Variants in ERC2 observed in about 807,000 individuals in gnomAD.
ERC2 encodes ERC protein 2.
In ERC2, 42 loss-of-function variants were observed where a neutral mutation model predicts 114.8. The ratio of observed to expected loss-of-function variants is 0.37; its 90% CI spans 0.29 to 0.47. The LOEUF (loss-of-function observed/expected upper bound fraction) is 0.47, where lower values mean the gene tolerates loss of function less well. ERC2 is among the 20% of genes least tolerant of loss of function. The probability of loss-of-function intolerance (pLI) is 0.99; values close to 1 mark genes in which losing one functional copy is unlikely to be tolerated. For missense variants in ERC2, 939 were observed against 1,150.7 expected, an observed-to-expected ratio of 0.82 and a Z score of 2.66; for synonymous variants, 454 against 425.5, an observed-to-expected ratio of 1.07 and a Z score of -0.82.
chr3:55,990,443 C>A (rs1471334870), intron 11 of ERC2, among the ~76,000 whole-genome samples: 2 of 150,760 alleles, frequency 1.3e-5, no homozygotes, highest in Non-Finnish European at 3.0e-5. Context: ...ATTTTTTTTT[C>A]TTTTCTTAGA....
At chr3:56,043,714 T>A (rs560037098) in intron 7 of ERC2, among the ~76,000 whole-genome samples, 1 of 152,198 alleles carries the variant, frequency 6.6e-6, no homozygotes. Context: ...CTAACTCTAT[T>A]CTAAACTTAT....
chr3:55,753,311 T>C (rs536309271), intron 14 of ERC2, among the ~76,000 whole-genome samples: 1 of 152,326 alleles, frequency 6.6e-6, no homozygotes, highest in East Asian at 1.9e-4. Context: ...ATTTTATATA[T>C]GTGCCTTTGA....
At chr3:56,006,557 G>A (rs1473301369) in intron 10 of ERC2, among the ~76,000 whole-genome samples, 4 of 152,024 alleles carry the variant, frequency 2.6e-5, no homozygotes, top group Admixed American at 2.6e-4. Context: ...ATGCATGACT[G>A]GAAATGCACT....
intron 2 of ERC2, among the ~76,000 whole-genome samples, chr3:56,409,346 G>C (rs1010503878): frequency 2.6e-5 from 4 of 152,052 alleles, no homozygotes; most frequent in African/African-American, 7.2e-5. Flanking sequence ...GGAATATATA[G>C]AGTCCCAAGG....
chr3:55,956,811 A>G (rs944797690), intron 12 of ERC2, among the ~76,000 whole-genome samples: 2 of 152,126 alleles, frequency 1.3e-5, no homozygotes, highest in African/African-American at 4.8e-5. Flanking sequence ...CAGGATGCCC[A>G]AGCCCACATC....
At chr3:55,906,608 T>C (rs1198088030) in intron 13 of ERC2, among the ~76,000 whole-genome samples, 2 of 152,170 alleles carry the variant, frequency 1.3e-5, no homozygotes, top group East Asian at 1.9e-4. Context: ...ACCCTTCTGA[T>C]TGATTCTGAT....
chr3:55,639,617 C>T (rs1014320921), intron 17 of ERC2, among the ~76,000 whole-genome samples: 7 of 152,200 alleles, frequency 4.6e-5, no homozygotes, highest in Non-Finnish European at 1.0e-4. Context: ...AGCTCTGTTG[C>T]TTAAATCTAC....
intron 2 of ERC2, among the ~76,000 whole-genome samples, chr3:56,301,598 C>T (rs2055878525): frequency 6.6e-6 from 1 of 151,962 alleles, no homozygotes; most frequent in Non-Finnish European, 1.5e-5. Flanking sequence ...AAGCTGGGCA[C>T]AGTGGCATAT....
chr3:55,929,065 C>T (rs929314279), intron 13 of ERC2, among the ~76,000 whole-genome samples: 7 of 152,052 alleles, frequency 4.6e-5, no homozygotes, highest in Non-Finnish European at 1.0e-4. Flanking sequence ...GGGAGTACTC[C>T]CCATCTCCTT....
intron 17 of ERC2, among the ~76,000 whole-genome samples, chr3:55,653,242 AATC>A (rs1372437805): frequency 6.6e-6 from 1 of 152,220 alleles, no homozygotes; most frequent in African/African-American, 2.4e-5. Context: ...GCATATTCAA[AATC>A]ATCATTTCTG....
chr3:56,464,409 G>C (rs1317444991), intron 1 of ERC2, among the ~76,000 whole-genome samples: 1 of 152,132 alleles, frequency 6.6e-6, no homozygotes, highest in African/African-American at 2.4e-5. Context: ...CCAACCCACA[G>C]CCTCTACACA....
intron 15 of ERC2, among the ~76,000 whole-genome samples, chr3:55,714,463 C>T (rs1355274253): frequency 6.6e-6 from 1 of 151,686 alleles, no homozygotes. Flanking sequence ...AGCTGTTATT[C>T]CTATAATGAA....
intron 14 of ERC2, among the ~76,000 whole-genome samples, chr3:55,808,733 ATATATATATAAC>A (rs2059594207): frequency 8.5e-6 from 1 of 117,634 alleles, no homozygotes; most frequent in Non-Finnish European, 1.7e-5. Flanking sequence ...ATATATATAT[ATATATATATAAC>A]GTATAACTAA....
chr3:56,037,377 A>C (rs929095829), intron 7 of ERC2, among the ~76,000 whole-genome samples: 4 of 152,220 alleles, frequency 2.6e-5, no homozygotes, highest in Non-Finnish European at 2.9e-5. Context: ...TAGAGCTGAA[A>C]AACACAACAT....
chr3:56,169,691 C>G (rs1439067838), intron 4 of ERC2, among the ~76,000 whole-genome samples: 7 of 151,866 alleles, frequency 4.6e-5, no homozygotes, highest in African/African-American at 1.7e-4. Context: ...CAATAAATTT[C>G]CTTTTGACTT....
chr3:56,323,469 T>A (rs1038698125), intron 2 of ERC2, among the ~76,000 whole-genome samples: 1 of 152,102 alleles, frequency 6.6e-6, no homozygotes, highest in Non-Finnish European at 1.5e-5. Flanking sequence ...TTAAACCTAC[T>A]AGGCCCTGTC....
At chr3:55,720,411 G>A (rs1443093456) in intron 15 of ERC2, among the ~76,000 whole-genome samples, 1 of 148,954 alleles carries the variant, frequency 6.7e-6, no homozygotes, top group South Asian at 2.2e-4. Flanking sequence ...TCAGTCTCCC[G>A]AGTAGCTGAG....
At chr3:55,624,157 G>C (rs1458459338) in intron 17 of ERC2, among the ~76,000 whole-genome samples, 1 of 152,172 alleles carries the variant, frequency 6.6e-6, no homozygotes, top group Non-Finnish European at 1.5e-5. Flanking sequence ...GATGTAGGCA[G>C]ATATTGGGCA....
intron 14 of ERC2, among the ~76,000 whole-genome samples, chr3:55,821,980 TA>T (rs1394107498): frequency 6.6e-6 from 1 of 152,232 alleles, no homozygotes; most frequent in Non-Finnish European, 1.5e-5. Context: ...TGGAGTTGGT[TA>T]AAAAATGATC....
Sources: gnomAD v4.1 joint callset for allele counts (sites outside exome capture counted in the v4.1 genomes callset) on GRCh38, gnomAD v4.1.1 for gene constraint, MANE v1.5 for transcripts, NCBI Gene and HGNC (gene_info 2026-07-23, HGNC 2026-07-21) for gene names.